The following SACS variants were observed in gnomAD, a reference collection of about 807,000 sequenced individuals.
SACS encodes the protein sacsin molecular chaperone.
Under a neutral mutation model 348.0 loss-of-function variants are expected in SACS, and 197 were observed. The observed-to-expected ratio is 0.57, with a 90% confidence interval of 0.50 to 0.64. The LOEUF (loss-of-function observed/expected upper bound fraction) is 0.64, where lower values mean the gene tolerates loss of function less well. SACS is among the 30% of genes least tolerant of loss of function. The pLI is 0.00. For missense variants in SACS, 4,999 were observed against 5,360.8 expected (o/e 0.93, Z 2.11); for synonymous variants, 1,985 against 1,910.6 (o/e 1.04, Z -1.02).
chr13:23,386,461 C>T (rs190349155), intron 2 of SACS, among the ~76,000 whole-genome samples: 1 of 152,336 alleles, frequency 6.6e-6, no homozygotes, highest in Admixed American at 6.5e-5. Context: ...TCTCAGCTTT[C>T]ACAGATTTGG....
rs1285595929 is a variant in SACS, at chr13:23,334,297, A to G, written c.9579T>C (p.Tyr3193=). 6.2e-7 allele frequency: 1 copy of G among 1,603,564 alleles called. No homozygotes were observed. Among genetic ancestry groups the G allele is most frequent in the Non-Finnish European group, 8.5e-7 (1 of 1,174,336 alleles). The part of the protein sequence containing the change: ...SRKDLFMNTL[Y]LKYSNILLNC... Reference sequence around the variant, plus strand: ...TCAATAAAATATTACTATATTTCAAATATAATGTATTCATAAACAAGTCTT... The same window carrying G: ...TCAATAAAATATTACTATATTTCAAGTATAATGTATTCATAAACAAGTCTT... Residue 3193 remains tyrosine, a synonymous_variant, in exon 10 of 10, where the codon TAT becomes TAC. Coordinates refer to ENST00000382292, the MANE Select transcript of SACS (RefSeq NM_014363.6).
intron 9 of SACS, among the ~76,000 whole-genome samples, chr13:23,345,425 C>T (rs1869534724): frequency 6.6e-6 from 1 of 152,194 alleles, no homozygotes; most frequent in Non-Finnish European, 1.5e-5. Flanking sequence ...GCATAAAAGT[C>T]CAGCAAGCCA....
In SACS at chr13:23,341,401, T is replaced by A; in HGVS notation, c.2475A>T (p.Leu825Phe). The A allele has an allele frequency of 6.2e-7, 1 of 1,611,400 alleles. No individual in the cohort carries two copies. Among genetic ancestry groups the A allele is most frequent in the Non-Finnish European group, 8.5e-7 (1 of 1,178,278 alleles). The change falls in exon 10 of 10, where the codon TTA becomes TTT. Residue 825 changes from leucine (L) to phenylalanine (F), a missense_variant. Physicochemically the swap from Leu to Phe is conservative, Grantham distance 22 (BLOSUM62 0). Transcript: ENST00000382292. ...VELIRLRIPS[L>F]VILDDESEAQ... ...CTTCAGATTCATCGTCTAAAATGACTAACGATGGAATCCTGAGTCTAATGA... is the reference window on the plus strand; with the variant it reads ...CTTCAGATTCATCGTCTAAAATGACAAACGATGGAATCCTGAGTCTAATGA...
intron 2 of SACS, among the ~76,000 whole-genome samples, chr13:23,379,115 G>A (rs1288571157): frequency 6.6e-6 from 1 of 152,132 alleles, no homozygotes; most frequent in Non-Finnish European, 1.5e-5. Flanking sequence ...CCCTGGTAGT[G>A]AATCGAGGGT....
At chr13:23,398,540 A>T (rs924008861) in intron 2 of SACS, among the ~76,000 whole-genome samples, 1 of 151,790 alleles carries the variant, frequency 6.6e-6, no homozygotes, top group Non-Finnish European at 1.5e-5. Flanking sequence ...GTCTCAAAAA[A>T]AAAAAAAAAA....
chr13:23,340,044 C>T lies in SACS; in HGVS notation c.3832G>A (p.Val1278Ile), dbSNP rs1436928164. The T allele has an allele frequency of 2.5e-6, 4 of 1,613,868 alleles. No individual in the cohort carries two copies. Among genetic ancestry groups the T allele is most frequent in the African/African-American group, 2.7e-5 (2 of 74,904 alleles). ...DSFRALKFPW[V>I]WTGKKFCPLA... ...GGACAAAACTTTTTGCCAGTCCAAA[C>T]CCATGGAAATTTTAAGGCTCTAAAA... Residue 1278 changes from valine (V) to isoleucine (I), a missense_variant, in exon 10 of 10, where the codon GTT becomes ATT. Around this residue, in one of 6 missense-constraint regions of SACS, gnomAD observed 3,156 missense variants for 3,380.1 expected, o/e 0.93. Transcript: ENST00000382292.
chr13:23,336,923 G>A lies in SACS; in HGVS notation c.6953C>T (p.Ala2318Val), dbSNP rs146909241. Residue 2318 changes from alanine (A) to valine (V), a missense_variant, in exon 10 of 10, where the codon GCT (alanine) becomes GTT (valine). By Grantham distance (64) the Ala-to-Val change is moderately conservative (BLOSUM62 0). Coordinates refer to ENST00000382292, the MANE Select transcript of SACS (RefSeq NM_014363.6). ...GGCTTCATGAAGGTATTTGTAGCAA[G>A]CATTGGTGATATTCTCCTGGTACAG... ...ITLYQENITN[A>V]CYKYLHEALM... 1.2e-6 allele frequency: 2 copies of A among 1,613,772 alleles called. No individual in the cohort carries two copies. The highest frequency in any genetic ancestry group is 1.7e-6 in the Non-Finnish European group (2 of 1,179,816).
Position 23,332,475 on chromosome 13 carries a change from C to A in SACS, c.11401G>T (p.Asp3801Tyr), listed in dbSNP as rs763216218. 2.5e-6 allele frequency: 4 copies of A among 1,614,032 alleles called. No homozygotes were observed. Among genetic ancestry groups the A allele is most frequent in the Non-Finnish European group, 3.4e-6 (4 of 1,179,920 alleles). ...LRGVAFVMVE[D>Y]GWKLLKPEEV... ...TCAGGCTTCAGAAGTTTCCAACCATCTTCTACCATCACAAAAGCAACCCCT... is the reference window on the plus strand; with the variant it reads ...TCAGGCTTCAGAAGTTTCCAACCATATTCTACCATCACAAAAGCAACCCCT... The change falls in exon 10 of 10, where the codon GAT (aspartate) becomes TAT (tyrosine). Residue 3801 changes from aspartate (D) to tyrosine (Y), a missense_variant. Transcript: ENST00000382292.
rs748550044 is a variant in SACS at position 23,329,250 on chromosome 13, G to C, written c.*886C>G. The C allele has an allele frequency of 3.9e-6, 2 of 513,668 alleles. No individual in the cohort carries two copies. The highest frequency in any genetic ancestry group is 6.9e-6 in the Non-Finnish European group (2 of 291,910). The allele number at this position is 513,668 out of a possible 1,614,324, so 31.8% of individuals were successfully genotyped here. ...ACTACATGCCATATTGAAAGAAAAGGTTGTTTTTTTTTTAACTGCAGCACC... is the reference window on the plus strand; with the variant it reads ...ACTACATGCCATATTGAAAGAAAAGCTTGTTTTTTTTTTAACTGCAGCACC... On this transcript the variant is annotated 3_prime_UTR_variant, in exon 10 of 10. Coordinates refer to ENST00000382292, the MANE Select transcript of SACS (RefSeq NM_014363.6).
At position 23,339,148 on chromosome 13, in the gene SACS, T is replaced by G. The variant is rs1868953150; in HGVS notation, c.4728A>C (p.Glu1576Asp). 1 of 1,611,964 alleles carries G rather than the reference T, an allele frequency of 6.2e-7. No individual in the cohort carries two copies. The highest frequency in any genetic ancestry group is 1.1e-5 in the South Asian group (1 of 90,752). The change falls in exon 10 of 10, where the codon GAA (glutamate) becomes GAC (aspartate). Residue 1576 changes from glutamate to aspartate, a missense_variant. Glu to Asp is a conservative substitution (Grantham distance 45). Coordinates refer to ENST00000382292, the MANE Select transcript of SACS (RefSeq NM_014363.6). Reference protein sequence around the residue: ...ITDIPIIMSREFMIMFDPNIN... With the variant: ...ITDIPIIMSRDFMIMFDPNIN... Reference sequence around the variant, plus strand: ...TGTTTGGATCGAACATTATCATGAATTCCCGACTCATAATGATGGGAATGT... The same window carrying G: ...TGTTTGGATCGAACATTATCATGAAGTCCCGACTCATAATGATGGGAATGT...
intron 2 of SACS, among the ~76,000 whole-genome samples, chr13:23,397,321 AG>A (rs766518983): frequency 1.2e-4 from 19 of 152,336 alleles, no homozygotes; most frequent in Non-Finnish European, 2.2e-4. Context: ...AGAATGAGAA[AG>A]AAACAAATAT....
chr13:23,330,588 G>A lies in SACS; in HGVS notation c.13288C>T (p.Gln4430Ter). Residue 4430 changes from glutamine (Q) to a stop codon, truncating the protein, a stop_gained, in exon 10 of 10, where the codon CAA (glutamine) becomes TAA (stop). Coordinates refer to ENST00000382292, the MANE Select transcript of SACS (RefSeq NM_014363.6). LOFTEE classifies it high-confidence loss of function. ...AAAGTGGGAGGAACAAAGAACCTTT[G>A]AGAGTAAGTCTGTCCGGCTGAAGGG... is the stretch of plus-strand genomic sequence containing the variant. Reference protein sequence around the residue: ...CPPSAGQTYSQRFFVPPTFKS... With the variant: ...CPPSAGQTYS 6.2e-7 allele frequency: 1 copy of A among 1,614,020 alleles called. No homozygotes were observed. The highest frequency in any genetic ancestry group is 1.1e-5 in the South Asian group (1 of 91,070).
rs772849329 is a variant in SACS at position 23,341,656 on chromosome 13, T to A, written c.2220A>T (p.Pro740=). 1.9e-6 allele frequency: 3 copies of A among 1,613,406 alleles called. No individual in the cohort carries two copies. The highest frequency in any genetic ancestry group is 2.5e-6 in the Non-Finnish European group (3 of 1,179,986). Residue 740 remains proline (P), a synonymous_variant, in exon 10 of 10, where the codon CCA becomes CCT. Transcript: ENST00000382292. The stretch of plus-strand genomic sequence containing the variant: ...CCTTGATAAGACGTGCAAATCGTTC[T>A]GGATTTAGAAGCTGCAGCTGAGTAC... ...RPCTQLQLLN[P]ERFARLIKEV...
chr13:23,365,339 G>T, intron 5 of SACS, 62 bp from the exon 6 acceptor site: 1 of 910,972 alleles, frequency 1.1e-6, no homozygotes, highest in Non-Finnish European at 1.7e-6. Flanking sequence ...GCTCATCTTT[G>T]TATTTATCTA....
In SACS at chr13:23,342,190, C is replaced by T. The variant is rs1259176957; in HGVS notation, c.2186-500G>A. Among the ~76,000 whole-genome samples, 5 of 152,172 alleles carry T rather than the reference C, an allele frequency of 3.3e-5. No homozygotes were observed. In the South Asian group the frequency reaches 8.3e-4, roughly 25 times the overall value. ...AGTGATAGAAAATCTATATATAAAT[C>T]CATATTTACAATAACCTGTGACAAA... is the stretch of plus-strand genomic sequence containing the variant. On this transcript the variant is annotated intron_variant, in intron 9 of 9. Coordinates refer to ENST00000382292, the MANE Select transcript of SACS (RefSeq NM_014363.6).
chr13:23,423,053 G>C (rs921406008), intron 1 of SACS, among the ~76,000 whole-genome samples: 2 of 152,086 alleles, frequency 1.3e-5, no homozygotes, highest in African/African-American at 4.8e-5. Context: ...AGGCAATCAG[G>C]CCTATATATA....
rs111846884 is a variant in SACS, at chr13:23,340,888, T to C, written c.2988A>G (p.Leu996=). The C allele has an allele frequency of 2.2e-3, 3,567 of 1,612,022 alleles. 10 individuals are homozygous for C. Among genetic ancestry groups the C allele is most frequent in the Non-Finnish European group, 2.6e-3 (3,036 of 1,178,362 alleles). ...AATAAAATGCATTTTCAATATCTTT[T>C]AAAACAAGCTTTAAGCAGCTAGTGG... ...LKTTSCLKLV[L]KDIENAFYSH... The change falls in exon 10 of 10, where the codon TTA becomes TTG. Residue 996 remains leucine, a synonymous_variant. Transcript: ENST00000382292.
chr13:23,421,796 G>T (rs1025759853), intron 1 of SACS, among the ~76,000 whole-genome samples: 2 of 151,930 alleles, frequency 1.3e-5, no homozygotes, highest in African/African-American at 4.8e-5. Flanking sequence ...TTCACCAGGG[G>T]CCTAGGCATC....
intron 5 of SACS, 21 bp downstream of exon 5, chr13:23,368,381 T>C: frequency 1.3e-6 from 2 of 1,549,568 alleles, no homozygotes; most frequent in South Asian, 1.1e-5. Flanking sequence ...AAATAACACA[T>C]GAACACGACA....
Sources: gnomAD v4.1 joint callset for allele counts (sites outside exome capture counted in the v4.1 genomes callset) on GRCh38, gnomAD v4.1.1 for gene constraint, gnomAD v4.1.1 regional missense constraint, MANE v1.5 for transcripts, NCBI Gene and HGNC (gene_info 2026-07-23, HGNC 2026-07-21) for gene names.